PTBP3: variants seen among roughly 807,000 people sequenced by gnomAD.
The protein encoded by PTBP3 is polypyrimidine tract-binding protein 3.
A neutral mutation model predicts 58.7 loss-of-function variants in PTBP3; 20 were observed. The observed-to-expected ratio is 0.34, with a 90% CI of 0.24 to 0.50. PTBP3 has a LOEUF of 0.50. PTBP3 is among the 20% of genes least tolerant of loss of function. The probability of loss-of-function intolerance (pLI) is 0.98; values close to 1 mark genes in which losing one functional copy is unlikely to be tolerated. For synonymous variants in PTBP3, 185 were observed against 219.8 expected, an observed-to-expected ratio of 0.84 and a Z score of 1.40; for missense variants, 509 against 637.2, an observed-to-expected ratio of 0.80 and a Z score of 2.17.
At chr9:112,294,660 G>T (rs1039981784) in intron 2 of PTBP3, among the ~76,000 whole-genome samples, 1 of 152,126 alleles carries the variant, frequency 6.6e-6, no homozygotes, top group Non-Finnish European at 1.5e-5. Context: ...GGAGGTTCCA[G>T]TGAATACATA....
At chr9:112,336,369 T>C (rs1428843508), upstream of PTBP3, among the ~76,000 whole-genome samples, 1 of 152,142 alleles carries the variant, frequency 6.6e-6, no homozygotes, top group East Asian at 1.9e-4. Context: ...TAATATCCTT[T>C]ATATAATTCA....
chr9:112,316,349 T>C (rs1279392505), intron 1 of PTBP3, among the ~76,000 whole-genome samples: 1 of 152,208 alleles, frequency 6.6e-6, no homozygotes, highest in Non-Finnish European at 1.5e-5. Flanking sequence ...ACTCTCTTTT[T>C]ACATATTTAT....
chr9:112,361,995 T>C, the PTBP3 span, among the ~76,000 whole-genome samples: 1 of 152,224 alleles, frequency 6.6e-6, no homozygotes. Flanking sequence ...GTAATGCTAT[T>C]GAGCATCTTT....
At chr9:112,299,587 C>T (rs2132322250) in intron 1 of PTBP3, among the ~76,000 whole-genome samples, 1 of 152,336 alleles carries the variant, frequency 6.6e-6, no homozygotes, top group South Asian at 2.1e-4. Context: ...TAACAGCCAT[C>T]TCACAAAGTG....
chr9:112,316,886 C>CT (rs2132418618), intron 1 of PTBP3, among the ~76,000 whole-genome samples: 1 of 151,822 alleles, frequency 6.6e-6, no homozygotes, highest in East Asian at 1.9e-4. Flanking sequence ...GCAGGAAAAT[C>CT]GCTTGAACCC....
intron 5 of PTBP3, among the ~76,000 whole-genome samples, chr9:112,260,723 T>C (rs182635806): frequency 1.4e-4 from 22 of 151,960 alleles, no homozygotes; most frequent in African/African-American, 4.3e-4. Context: ...GATAAAGAGA[T>C]GGGGGAGAAG....
At chr9:112,314,306 A>G (rs940307901) in intron 1 of PTBP3, among the ~76,000 whole-genome samples, 1 of 152,244 alleles carries the variant, frequency 6.6e-6, no homozygotes, top group African/African-American at 2.4e-5. Context: ...ATAAAAATGT[A>G]TATTTCACAA....
At chr9:112,261,924 T>C (rs1486218707) in intron 5 of PTBP3, among the ~76,000 whole-genome samples, 1 of 152,246 alleles carries the variant, frequency 6.6e-6, no homozygotes, top group Non-Finnish European at 1.5e-5. Context: ...TACATATTAC[T>C]TGCCATGATT....
chr9:112,266,590 T>A (rs1429311815), intron 4 of PTBP3, among the ~76,000 whole-genome samples: 1 of 152,186 alleles, frequency 6.6e-6, no homozygotes, highest in Non-Finnish European at 1.5e-5. Context: ...CTTCAGTGTA[T>A]ATCAAAAAGA....
At chr9:112,234,977 A>T in intron 7 of PTBP3, 80 bp from the exon 8 acceptor site, 1 of 1,148,688 alleles carries the variant, frequency 8.7e-7, no homozygotes, top group Non-Finnish European at 1.3e-6. Context: ...TGGCTCTATG[A>T]AAGTATATTA....
chr9:112,227,353 C>T (rs568152643), intron 12 of PTBP3, 58 bp downstream of exon 12: 4 of 1,554,598 alleles, frequency 2.6e-6, no homozygotes, highest in Non-Finnish European at 3.5e-6. Flanking sequence ...ACCTCTCCTA[C>T]ATCACATATT....
At chr9:112,331,126 CGA>C (rs373612192) in intron 1 of PTBP3, among the ~76,000 whole-genome samples, 113 of 147,682 alleles carry the variant, frequency 7.7e-4, no homozygotes, top group African/African-American at 2.9e-3. Context: ...CACACACACA[CGA>C]GAGACAGTTG....
intron 5 of PTBP3, among the ~76,000 whole-genome samples, chr9:112,256,423 G>A (rs1836367171): frequency 6.6e-6 from 1 of 151,062 alleles, no homozygotes; most frequent in Non-Finnish European, 1.5e-5. Context: ...AATCATTTCT[G>A]CATCATTAAG....
Position 112,333,506 on chromosome 9 carries a change from G to A in PTBP3, c.-88C>T. Reference sequence around the variant, plus strand: ...CCAGATGGAGGCGCGCACAGAGCAGGGACTGACGGGCTAACCGCGAGCAGA... The same window carrying A: ...CCAGATGGAGGCGCGCACAGAGCAGAGACTGACGGGCTAACCGCGAGCAGA... On this transcript the variant is annotated 5_prime_UTR_variant, in exon 1 of 14. Transcript: ENST00000374257. 3 of 1,586,678 alleles carry A rather than the reference G, an allele frequency of 1.9e-6. No homozygotes were observed. Among genetic ancestry groups the A allele is most frequent in the Non-Finnish European group, 2.6e-6 (3 of 1,166,772 alleles).
At chr9:112,346,911 A>T in the PTBP3 span, among the ~76,000 whole-genome samples, 2 of 151,864 alleles carry the variant, frequency 1.3e-5, no homozygotes, top group Non-Finnish European at 2.9e-5. Flanking sequence ...TTTAGTAGAG[A>T]TGGAGTTTCG....
At chr9:112,344,238 A>T in the PTBP3 span, among the ~76,000 whole-genome samples, 1 of 152,284 alleles carries the variant, frequency 6.6e-6, no homozygotes, top group South Asian at 2.1e-4. Context: ...CAGTTTAAAT[A>T]GTATTTGTCC....
At chr9:112,317,190 A>C (rs1325107551) in intron 1 of PTBP3, among the ~76,000 whole-genome samples, 1 of 152,014 alleles carries the variant, frequency 6.6e-6, no homozygotes, top group Non-Finnish European at 1.5e-5. Flanking sequence ...GGTTGCAGTG[A>C]GCTGAGACTG....
chr9:112,232,036 A>AGAAAGAAAGAAAGAAAGAAAGAAG (rs1835262537), intron 9 of PTBP3, 63 bp downstream of exon 9: 1 of 1,341,156 alleles, frequency 7.5e-7, no homozygotes, highest in African/African-American at 1.6e-5. Context: ...AAAGAAAGAA[A>AGAAAGAAAGAAAGAAAGAAAGAAG]GAAAAAAGTG....
At chr9:112,257,333 A>G (rs1836411847) in intron 5 of PTBP3, among the ~76,000 whole-genome samples, 1 of 152,194 alleles carries the variant, frequency 6.6e-6, no homozygotes, top group East Asian at 1.9e-4. Context: ...CCCTTTCATA[A>G]TTATCAAAAT....
Sources: allele counts gnomAD v4.1 joint callset (sites outside exome capture counted in the v4.1 genomes callset), GRCh38; gene constraint gnomAD v4.1.1; transcripts MANE v1.5; gene names NCBI Gene and HGNC (gene_info 2026-07-23, HGNC 2026-07-21).